CIP2A: variants seen among roughly 807,000 people sequenced by gnomAD.
CIP2A encodes the protein protein CIP2A.
CIP2A carries 103 observed loss-of-function variants against 110.9 expected under a neutral mutation model. That is an observed-to-expected ratio of 0.93 (90% confidence interval 0.79 to 1.09). CIP2A has a LOEUF of 1.09. Ranked by LOEUF, CIP2A falls within the 50% of genes least tolerant of loss-of-function variation. CIP2A has a pLI of 0.00. For synonymous variants in CIP2A, 381 were observed against 361.6 expected (o/e 1.05, Z -0.61); for missense variants, 1,088 against 1,038.4 (o/e 1.05, Z -0.66).
chr3:108,569,465 C>T lies in CIP2A; in HGVS notation c.1037G>A (p.Arg346His), dbSNP rs151174833. ...TCCGTCCAAAGGTTGGCTTAACCAGCGCAGTAGAGCCACAGTAGGTTCTAA... is the reference window on the plus strand; with the variant it reads ...TCCGTCCAAAGGTTGGCTTAACCAGTGCAGTAGAGCCACAGTAGGTTCTAA... ...KCLEPTVALL[R>H]WLSQPLDGSE... The change falls in exon 9 of 21, where the codon CGC (arginine) becomes CAC (histidine). Residue 346 changes from arginine (R) to histidine (H), a missense_variant. Physicochemically the swap from Arg to His is conservative, Grantham distance 29. Coordinates refer to ENST00000295746, the MANE Select transcript of CIP2A (RefSeq NM_020890.3). 2.5e-6 allele frequency: 4 copies of T among 1,612,712 alleles called. No homozygotes were observed. Among genetic ancestry groups the T allele is most frequent in the Non-Finnish European group, 2.5e-6 (3 of 1,179,262 alleles).
intron 8 of CIP2A, chr3:108,574,560 T>C (rs1355102444): frequency 6.6e-6 from 1 of 152,480 alleles, no homozygotes; most frequent in Non-Finnish European, 1.5e-5. Flanking sequence ...TAATAGCTGA[T>C]GTTCATAAAC....
At chr3:108,576,232 T>G (rs866413930) in intron 8 of CIP2A, 39 bp downstream of exon 8, 3 of 1,334,964 alleles carry the variant, frequency 2.2e-6, no homozygotes, top group Middle Eastern at 1.9e-4. Flanking sequence ...CATTTTGCAG[T>G]TTTTAAAAGT....
chr3:108,583,863 C>T (rs1938964159), intron 2 of CIP2A, among the ~76,000 whole-genome samples: 1 of 152,026 alleles, frequency 6.6e-6, no homozygotes, highest in Non-Finnish European at 1.5e-5. Flanking sequence ...AACAAAATAT[C>T]ATATGTACCC....
chr3:108,566,067 A>G (rs1213942259), intron 11 of CIP2A, among the ~76,000 whole-genome samples: 4 of 151,832 alleles, frequency 2.6e-5, no homozygotes, highest in South Asian at 4.1e-4. Context: ...ACCTTTAACC[A>G]TAATTCCTGA....
chr3:108,571,805 C>T (rs1938409875), intron 8 of CIP2A, among the ~76,000 whole-genome samples: 1 of 152,138 alleles, frequency 6.6e-6, no homozygotes, highest in Non-Finnish European at 1.5e-5. Flanking sequence ...GTAGTTTATA[C>T]ATATGCCCAG....
At chr3:108,577,454 AG>A (rs142941396) in intron 7 of CIP2A, among the ~76,000 whole-genome samples, 2,117 of 152,332 alleles carry the variant, frequency 0.014, 51 homozygotes, top group African/African-American at 0.049. Flanking sequence ...GATGAAACTA[AG>A]TAAGAATTTG....
intron 16 of CIP2A, 78 bp downstream of exon 16, chr3:108,559,679 C>T (rs1055158430): frequency 1.4e-6 from 1 of 718,622 alleles, no homozygotes; most frequent in African/African-American, 1.8e-5. Flanking sequence ...ATTAGAGTAA[C>T]AAATACATAA....
chr3:108,585,320 A>T, intron 1 of CIP2A, 108 bp from the exon 2 acceptor site: 1 of 994,740 alleles, frequency 1.0e-6, no homozygotes, highest in Non-Finnish European at 1.4e-6. Context: ...CTACCTTCCC[A>T]ATTTAAAAAA....
At chr3:108,583,696 T>C (rs896807038) in intron 2 of CIP2A, among the ~76,000 whole-genome samples, 2 of 152,172 alleles carry the variant, frequency 1.3e-5, no homozygotes, top group African/African-American at 4.8e-5. Context: ...GAATAAGTTC[T>C]AATGTTTGAT....
intron 8 of CIP2A, among the ~76,000 whole-genome samples, chr3:108,572,770 A>G (rs2107345347): frequency 6.6e-6 from 1 of 152,126 alleles, no homozygotes; most frequent in South Asian, 2.1e-4. Context: ...AGTGAGTTTT[A>G]TTTCTTCCTT....
At chr3:108,554,618 T>G in intron 17 of CIP2A, 129 bp from the exon 18 acceptor site, 1 of 541,786 alleles carries the variant, frequency 1.8e-6, no homozygotes, top group Non-Finnish European at 3.3e-6. Flanking sequence ...AGGAATGTTA[T>G]GAACAAGCAG....
At chr3:108,553,796 C>G in intron 18 of CIP2A, 66 bp from the exon 19 acceptor site, 1 of 1,385,638 alleles carries the variant, frequency 7.2e-7, no homozygotes, top group South Asian at 1.3e-5. Context: ...ACTTTTTCTC[C>G]CTACCAAGCA....
chr3:108,588,340 AAAAGAGG>A (rs542929108), intron 1 of CIP2A, among the ~76,000 whole-genome samples: 2,903 of 152,230 alleles, frequency 0.019, 100 homozygotes, highest in African/African-American at 0.067. Flanking sequence ...TGAAGTAGGG[AAAAGAGG>A]AGCACCAGTG....
chr3:108,567,790 G>A (rs930107244), intron 10 of CIP2A, among the ~76,000 whole-genome samples: 2 of 151,824 alleles, frequency 1.3e-5, no homozygotes, highest in East Asian at 1.9e-4. Flanking sequence ...ACTACTGATC[G>A]TCCGTCCAGG....
intron 9 of CIP2A, among the ~76,000 whole-genome samples, chr3:108,568,918 T>C (rs1938280436): frequency 6.6e-6 from 1 of 151,444 alleles, no homozygotes; most frequent in South Asian, 2.1e-4. Context: ...GAATATTAAA[T>C]TGCCCAGATA....
At chr3:108,589,042 C>G (rs1364741376) in intron 1 of CIP2A, among the ~76,000 whole-genome samples, 1 of 152,178 alleles carries the variant, frequency 6.6e-6, no homozygotes, top group African/African-American at 2.4e-5. Context: ...CTGAACTTCC[C>G]AACCTTTTGC....
chr3:108,569,168 C>CTACATATATATATATATATATATATATA (rs1938287681), intron 9 of CIP2A, among the ~76,000 whole-genome samples: 2 of 11,086 alleles, frequency 1.8e-4, no homozygotes, highest in Non-Finnish European at 4.1e-4. Context: ...GAAATGAGCA[C>CTACATATATATATATATATATATATATA]TATATATATA....
At position 108,568,220 on chromosome 3, in the gene CIP2A, T is replaced by C. The variant is rs1487539044; in HGVS notation, c.1208A>G (p.Asn403Ser). 3 of 1,612,506 alleles carry C rather than the reference T, an allele frequency of 1.9e-6. No homozygotes were observed. The highest frequency in any genetic ancestry group is 2.5e-6 in the Non-Finnish European group (3 of 1,178,926). Residue 403 changes from asparagine to serine, a missense_variant, in exon 10 of 21, where the codon AAT (asparagine) becomes AGT (serine). Coordinates refer to ENST00000295746, the MANE Select transcript of CIP2A (RefSeq NM_020890.3). ...TTTTCTTGTTAAAGCCTCATCTAGA[T>C]TTTGTTCTGTGAACTGAAGTTGATC... ...ILDQLQFTEQNLDEALTRKKC... is the reference protein window; with the variant it reads ...ILDQLQFTEQSLDEALTRKKC...
intron 1 of CIP2A, among the ~76,000 whole-genome samples, chr3:108,587,851 C>T (rs1041879840): frequency 3.9e-5 from 6 of 152,034 alleles, no homozygotes; most frequent in African/African-American, 1.2e-4. Flanking sequence ...GGAGCGATCT[C>T]TACTTATGCA....
Sources: allele counts gnomAD v4.1 joint callset (sites outside exome capture counted in the v4.1 genomes callset), GRCh38; gene constraint gnomAD v4.1.1; transcripts MANE v1.5; gene names NCBI Gene and HGNC (gene_info 2026-07-23, HGNC 2026-07-21).